TNFAIP8L1: variants seen among roughly 807,000 people sequenced by gnomAD.
The protein encoded by TNFAIP8L1 is TNF alpha induced protein 8 like 1, also known as tumor necrosis factor alpha-induced protein 8-like protein 1.
For synonymous variants in TNFAIP8L1, 127 were observed against 125.6 expected (o/e 1.01, Z -0.08); for missense variants, 225 against 266.1 (o/e 0.85, Z 1.08).
At position 4,654,163 on chromosome 19, in the gene TNFAIP8L1, C is replaced by T. The variant is rs547395941; in HGVS notation, c.*1733C>T. On this transcript the variant is annotated 3_prime_UTR_variant, in exon 2 of 2. Transcript: ENST00000327473. Reference sequence around the variant, plus strand: ...CACAGGATGTGGTACTGGAAGCCCCCACTCAAGAAGGCTCCAGTGAATGCT... The same window carrying T: ...CACAGGATGTGGTACTGGAAGCCCCTACTCAAGAAGGCTCCAGTGAATGCT... The T allele has an allele frequency of 6.6e-6, 1 of 152,296 alleles. No individual in the cohort carries two copies. Among genetic ancestry groups the T allele is most frequent in the Admixed American group, 6.5e-5 (1 of 15,278 alleles). 9.4% of individuals were successfully genotyped at this position (152,296 alleles called of 1,614,324 possible).
At chr19:4,649,893 T>A (rs1227307930) in intron 1 of TNFAIP8L1, among the ~76,000 whole-genome samples, 1 of 152,040 alleles carries the variant, frequency 6.6e-6, no homozygotes, top group Admixed American at 6.6e-5. Flanking sequence ...TCTCCCGGAG[T>A]CTGAACTCAC....
At position 4,654,678 on chromosome 19, in the gene TNFAIP8L1, A is replaced by G. The variant is rs2088406524; in HGVS notation, c.*2248A>G. The G allele has an allele frequency of 6.6e-6, 1 of 152,178 alleles. No homozygotes were observed. Among genetic ancestry groups the G allele is most frequent in the South Asian group, 2.1e-4 (1 of 4,818 alleles). 9.4% of individuals were successfully genotyped at this position (152,178 alleles called of 1,614,324 possible). ...AACCAGCCAACCATGTTGCTTTTAT[A>G]AGACAGAGCTGAGAAAGCAAAGCTT... On this transcript the variant is annotated 3_prime_UTR_variant, in exon 2 of 2. Transcript: ENST00000327473.
Position 4,652,180 on chromosome 19 carries a change from T to G in TNFAIP8L1, c.311T>G (p.Phe104Cys). 2 of 1,549,440 alleles carry G rather than the reference T, an allele frequency of 1.3e-6. No homozygotes were observed. The highest frequency in any genetic ancestry group is 1.7e-6 in the Non-Finnish European group (2 of 1,148,652). Residue 104 changes from phenylalanine to cysteine, a missense_variant, in exon 2 of 2, where the codon TTC becomes TGC. Phe to Cys is a radical substitution (Grantham distance 205). Coordinates refer to ENST00000327473, the MANE Select transcript of TNFAIP8L1 (RefSeq NM_152362.3). Reference sequence around the variant, plus strand: ...TGCCTGGCCATGACGGCCGTCAGCTTCCACCAGGTGGACTTCACCTTCGAC... The same window carrying G: ...TGCCTGGCCATGACGGCCGTCAGCTGCCACCAGGTGGACTTCACCTTCGAC... ...ARCLAMTAVSFHQVDFTFDRR... is the reference protein window; with the variant it reads ...ARCLAMTAVSCHQVDFTFDRR...
chr19:4,645,048 A>G lies in TNFAIP8L1; in HGVS notation c.-4+5419A>G, dbSNP rs1202638067. On this transcript the variant is annotated intron_variant, in intron 1 of 1. Transcript: ENST00000327473. This position sits in a 1 kb window ranked among gnomAD's most constrained non-coding sequence, Gnocchi z 4.1. The stretch of plus-strand genomic sequence containing the variant: ...TGCAGCCGGGGCTGAGACAAGACAG[A>G]TGGAGCGGCTGGCGTGCACCTGCAG... Among the ~76,000 whole-genome samples, 8 of 152,198 alleles carry G rather than the reference A, an allele frequency of 5.3e-5. No homozygotes were observed. Among genetic ancestry groups the G allele is most frequent in the Non-Finnish European group, 1.0e-4 (7 of 68,032 alleles).
rs35925872 is a variant in TNFAIP8L1, at chr19:4,641,403, C to T, written c.-4+1774C>T. 42,072 of 152,090 alleles carry T rather than the reference C, an allele frequency of 0.28. 7,318 individuals carry two copies. Among genetic ancestry groups the T allele is most frequent in the Non-Finnish European group, 0.39 (26,303 of 67,982 alleles). The allele number at this position is 152,090 out of a possible 1,614,324, so 9.4% of individuals were successfully genotyped here. ...CCAGGTACAGCTCAGGTGTTACAGA[C>T]GGGGAGCAGGGCAAGGAGGCAGAGC... On this transcript the variant is annotated intron_variant, in intron 1 of 1. Coordinates refer to ENST00000327473, the MANE Select transcript of TNFAIP8L1 (RefSeq NM_152362.3). The surrounding 1 kb of genome is among the most constrained non-coding windows in gnomAD (Gnocchi z 4.6).
chr19:4,653,769 CAAAAAAAAAAA>C lies in TNFAIP8L1; in HGVS notation c.*1357_*1367del, dbSNP rs74173015. ...CCTGGTGACAGAGCGAGACTCGTCT[CAAAAAAAAAAA>C]AAAAAAAAAAAAAAAAAGTGACTGT... On this transcript the variant is annotated 3_prime_UTR_variant, in exon 2 of 2. Coordinates refer to ENST00000327473, the MANE Select transcript of TNFAIP8L1 (RefSeq NM_152362.3). 27 of 41,168 alleles carry C rather than the reference CAAAAAAAAAAA, an allele frequency of 6.6e-4. 1 individual carries two copies. Among genetic ancestry groups the C allele is most frequent in the Middle Eastern group, 0.019 (1 of 54 alleles). 2.6% of individuals were successfully genotyped at this position (41,168 alleles called of 1,614,324 possible).
chr19:4,654,469 G>C lies in TNFAIP8L1; in HGVS notation c.*2039G>C, dbSNP rs1169231813. The C allele has an allele frequency of 6.6e-6, 1 of 152,198 alleles. No individual in the cohort carries two copies. Among genetic ancestry groups the C allele is most frequent in the Non-Finnish European group, 1.5e-5 (1 of 68,048 alleles). The allele number at this position is 152,198 out of a possible 1,614,324, so 9.4% of individuals were successfully genotyped here. On this transcript the variant is annotated 3_prime_UTR_variant, in exon 2 of 2. Coordinates refer to ENST00000327473, the MANE Select transcript of TNFAIP8L1 (RefSeq NM_152362.3). ...AGTGATCCTCCCACCTCAGCCCCGG[G>C]TAGCTGGGACTACAGGTGTGCACGA...
At chr19:4,651,839 A>G in intron 1 of TNFAIP8L1, 28 bp from the exon 2 acceptor site, 1 of 1,564,852 alleles carries the variant, frequency 6.4e-7, no homozygotes, top group Non-Finnish European at 8.7e-7. Flanking sequence ...AACGTGCAAA[A>G]CTGAGGGCTG....
intron 1 of TNFAIP8L1, 40 bp from the exon 2 acceptor site, chr19:4,651,827 C>A: frequency 6.5e-7 from 1 of 1,546,122 alleles, no homozygotes; most frequent in Non-Finnish European, 8.7e-7. Context: ...GAGGAGTGCC[C>A]CAACGTGCAA....
At chr19:4,646,342 G>C (rs1386839016) in intron 1 of TNFAIP8L1, among the ~76,000 whole-genome samples, 1 of 149,442 alleles carries the variant, frequency 6.7e-6, no homozygotes, top group Admixed American at 6.7e-5. Context: ...GGCCAGGCTA[G>C]TCTTGAACTC....
chr19:4,652,710 G>T lies in TNFAIP8L1; in HGVS notation c.*280G>T. 2.3e-6 allele frequency: 1 copy of T among 427,544 alleles called. No homozygotes were observed. Among genetic ancestry groups the T allele is most frequent in the Non-Finnish European group, 4.3e-6 (1 of 234,542 alleles). 26.5% of individuals were successfully genotyped at this position (427,544 alleles called of 1,614,324 possible). A position where few individuals can be genotyped will look rare whatever the true frequency, so the allele number is the denominator to read the frequency against. On this transcript the variant is annotated 3_prime_UTR_variant, in exon 2 of 2. Transcript: ENST00000327473. ...ACCTTTCACCCGTTTGTACTTTCTG[G>T]GCCACGCCGACCCCTGGGTCGCTTG...
intron 1 of TNFAIP8L1, among the ~76,000 whole-genome samples, chr19:4,648,385 C>T (rs954738446): frequency 4.1e-5 from 6 of 147,796 alleles, no homozygotes; most frequent in African/African-American, 1.2e-4. Flanking sequence ...TCGGCCTGTT[C>T]CCCTGGGAGA....
At chr19:4,650,341 A>C (rs1321327725) in intron 1 of TNFAIP8L1, among the ~76,000 whole-genome samples, 1 of 151,728 alleles carries the variant, frequency 6.6e-6, no homozygotes, top group Non-Finnish European at 1.5e-5. Flanking sequence ...TTCACCAGGG[A>C]GGAGATGGGG....
In TNFAIP8L1 at chr19:4,652,390, G is replaced by C; in HGVS notation, c.521G>C (p.Cys174Ser). ...TACCGCTCCCACCTGCGCAGGATCTGCGAGGGCCTGGGCCGGATGCTGGAC... is the reference window on the plus strand; with the variant it reads ...TACCGCTCCCACCTGCGCAGGATCTCCGAGGGCCTGGGCCGGATGCTGGAC... Reference protein sequence around the residue: ...EPYRSHLRRICEGLGRMLDEG... With the variant: ...EPYRSHLRRISEGLGRMLDEG... Residue 174 changes from cysteine to serine, a missense_variant, in exon 2 of 2, where the codon TGC (cysteine) becomes TCC (serine). Physicochemically the swap from Cys to Ser is moderately radical, Grantham distance 112 (BLOSUM62 -1). Coordinates refer to ENST00000327473, the MANE Select transcript of TNFAIP8L1 (RefSeq NM_152362.3). 1.3e-6 allele frequency: 2 copies of C among 1,549,562 alleles called. No individual in the cohort carries two copies. Among genetic ancestry groups the C allele is most frequent in the South Asian group, 1.2e-5 (1 of 84,562 alleles).
At chr19:4,646,719 C>T (rs2088314715) in intron 1 of TNFAIP8L1, among the ~76,000 whole-genome samples, 1 of 151,974 alleles carries the variant, frequency 6.6e-6, no homozygotes, top group Non-Finnish European at 1.5e-5. Flanking sequence ...CAAGCTCCGC[C>T]TCCCGGGTTC....
rs1339748909 is a variant in TNFAIP8L1, at chr19:4,639,592, C to T, written c.-41C>T. ...GCCCACGGAGGCGGCTGGACGGACCCCCGACGGTTGGACGTACGGACTCTG... is the reference window on the plus strand; with the variant it reads ...GCCCACGGAGGCGGCTGGACGGACCTCCGACGGTTGGACGTACGGACTCTG... On this transcript the variant is annotated 5_prime_UTR_variant, in exon 1 of 2. Transcript: ENST00000327473. 1 of 152,762 alleles carries T rather than the reference C, an allele frequency of 6.5e-6. No homozygotes were observed. Among genetic ancestry groups the T allele is most frequent in the Non-Finnish European group, 1.5e-5 (1 of 67,992 alleles). 9.5% of individuals were successfully genotyped at this position (152,762 alleles called of 1,614,324 possible).
intron 1 of TNFAIP8L1, among the ~76,000 whole-genome samples, chr19:4,643,382 G>A (rs2088281286): frequency 6.6e-6 from 1 of 152,082 alleles, no homozygotes; most frequent in African/African-American, 2.4e-5. Flanking sequence ...TTTATTGCTT[G>A]GGCTGAGGCA....
Position 4,655,096 on chromosome 19 carries a change from C to T in TNFAIP8L1, c.*2666C>T, listed in dbSNP as rs2145178519. The T allele has an allele frequency of 6.6e-6, 1 of 152,352 alleles. No individual in the cohort carries two copies. Among genetic ancestry groups the T allele is most frequent in the Non-Finnish European group, 1.5e-5 (1 of 68,046 alleles). The allele number at this position is 152,352 out of a possible 1,614,324, so 9.4% of individuals were successfully genotyped here. A position where few individuals can be genotyped will look rare whatever the true frequency, so the allele number is the denominator to read the frequency against. On this transcript the variant is annotated 3_prime_UTR_variant, in exon 2 of 2. Coordinates refer to ENST00000327473, the MANE Select transcript of TNFAIP8L1 (RefSeq NM_152362.3). The stretch of plus-strand genomic sequence containing the variant: ...TCTCTTGAAAACTCGCCAGTCCGGC[C>T]GTCTGAGCCTGCACTGACGCCTGGT...
chr19:4,641,917 C>T lies in TNFAIP8L1; in HGVS notation c.-4+2288C>T, dbSNP rs557112625. 1 of 152,324 alleles carries T rather than the reference C, an allele frequency of 6.6e-6. No homozygotes were observed. The highest frequency in any genetic ancestry group is 2.4e-5 in the African/African-American group (1 of 41,574). The allele number at this position is 152,324 out of a possible 1,614,324, so 9.4% of individuals were successfully genotyped here. On this transcript the variant is annotated intron_variant, in intron 1 of 1. Transcript: ENST00000327473. This position sits in a 1 kb window ranked among gnomAD's most constrained non-coding sequence, Gnocchi z 4.6. ...CTTTATAAACAGGCAAGCTCCTGAC[C>T]CTCTGTGACTCAGTTTCCTTATAAC...
Sources: allele counts gnomAD v4.1 joint callset (sites outside exome capture counted in the v4.1 genomes callset), GRCh38; gene constraint gnomAD v4.1.1; non-coding constraint Gnocchi (gnomAD v3.1); transcripts MANE v1.5; gene names NCBI Gene and HGNC (gene_info 2026-07-23, HGNC 2026-07-21).